The following TSHZ1 variants were observed in gnomAD, a reference collection of about 807,000 sequenced individuals.
The protein encoded by TSHZ1 is teashirt zinc finger homeobox 1, also known as teashirt homolog 1.
In TSHZ1, 12 loss-of-function variants were observed where a neutral mutation model predicts 67.1. That is an observed-to-expected ratio of 0.18 (90% CI 0.11 to 0.29). TSHZ1 has a LOEUF of 0.29. Among genes scored for constraint, TSHZ1 ranks in the 10% least tolerant of loss-of-function variants. The pLI is 1.00. For missense variants in TSHZ1, 1,305 were observed against 1,413.9 expected (o/e 0.92, Z 1.23); for synonymous variants, 632 against 622.4 (o/e 1.02, Z -0.23).
chr18:75,263,686 A>G (rs2023456436), intron 1 of TSHZ1, among the ~76,000 whole-genome samples: 2 of 152,220 alleles, frequency 1.3e-5, no homozygotes, highest in Admixed American at 1.3e-4. Flanking sequence ...ATACAGATAC[A>G]ATAATTCAGT....
rs2022674335 is a variant in TSHZ1 at position 75,211,073 on chromosome 18, T to C, written c.-804T>C. On this transcript the variant is annotated 5_prime_UTR_variant, in exon 1 of 2. The change abolishes an upstream ATG in the 5' untranslated region. Coordinates refer to ENST00000580243, the MANE Select transcript of TSHZ1 (RefSeq NM_001308210.2). ...AAGATCAAGACCGGCCAAAAATCCA[T>C]GATCAAAATGTGTTTGCATTAGATT... 6.6e-6 allele frequency: 1 copy of C among 151,646 alleles called. No individual in the cohort carries two copies. Among genetic ancestry groups the C allele is most frequent in the African/African-American group, 2.4e-5 (1 of 41,218 alleles). The allele number at this position is 151,646 out of a possible 1,614,324, so 9.4% of individuals were successfully genotyped here. A position where few individuals can be genotyped will look rare whatever the true frequency, so the allele number is the denominator to read the frequency against.
At chr18:75,235,472 A>G (rs1440481281) in intron 1 of TSHZ1, among the ~76,000 whole-genome samples, 1 of 152,070 alleles carries the variant, frequency 6.6e-6, no homozygotes, top group African/African-American at 2.4e-5. Context: ...ACCGATTCCT[A>G]CCTTGTGGAG....
intron 1 of TSHZ1, among the ~76,000 whole-genome samples, chr18:75,268,174 T>C (rs921045100): frequency 6.6e-6 from 1 of 152,238 alleles, no homozygotes; most frequent in Non-Finnish European, 1.5e-5. Context: ...CTTTAAGACA[T>C]CTATCACCTC....
chr18:75,250,732 G>C (rs927666566), intron 1 of TSHZ1, among the ~76,000 whole-genome samples: 3 of 152,244 alleles, frequency 2.0e-5, no homozygotes, highest in Non-Finnish European at 4.4e-5. Context: ...TTTACCGTCC[G>C]GATGGGTCTG....
At chr18:75,267,709 A>G (rs115641776) in intron 1 of TSHZ1, among the ~76,000 whole-genome samples, 1,617 of 152,352 alleles carry the variant, frequency 0.011, 23 homozygotes, top group African/African-American at 0.035. Context: ...TTTCGTATGC[A>G]TATTCAGTTC....
chr18:75,286,754 T>G lies in TSHZ1; in HGVS notation c.1347T>G (p.Ser449=), dbSNP rs550963209. 1.4e-5 allele frequency: 23 copies of G among 1,613,548 alleles called. No individual in the cohort carries two copies. The Middle Eastern group carries it at 6.6e-4, about 46-fold the overall frequency. ...TCCTGAAAGTGACCACCTCGGCTTCTAAGAAGGGCAAGCAGTTGGTGCTGG... is the reference window on the plus strand; with the variant it reads ...TCCTGAAAGTGACCACCTCGGCTTCGAAGAAGGGCAAGCAGTTGGTGCTGG... ...GHFLKVTTSA[S]KKGKQLVLDP... is the part of the protein sequence containing the mutation. The change falls in exon 2 of 2, where the codon TCT becomes TCG. Residue 449 remains serine (S), a synonymous_variant. Coordinates refer to ENST00000580243, the MANE Select transcript of TSHZ1 (RefSeq NM_001308210.2). This position sits in a 1 kb window ranked among gnomAD's most constrained non-coding sequence, Gnocchi z 5.1.
chr18:75,265,159 A>G (rs2023475601), intron 1 of TSHZ1, among the ~76,000 whole-genome samples: 2 of 152,208 alleles, frequency 1.3e-5, no homozygotes, highest in Admixed American at 6.5e-5. Context: ...TTATCTCGAC[A>G]TCTGTGAGTT....
chr18:75,253,812 A>G (rs2023332843), intron 1 of TSHZ1, among the ~76,000 whole-genome samples: 1 of 152,270 alleles, frequency 6.6e-6, no homozygotes, highest in Admixed American at 6.5e-5. Context: ...ATTTTCTCAC[A>G]GTCTTCAGTT....
intron 1 of TSHZ1, among the ~76,000 whole-genome samples, chr18:75,222,007 T>C (rs1172378628): frequency 1.3e-5 from 2 of 152,158 alleles, no homozygotes; most frequent in African/African-American, 4.8e-5. Flanking sequence ...GAAATAAATA[T>C]TCTAAGTCAG....
chr18:75,270,160 C>T (rs575477179), intron 1 of TSHZ1, among the ~76,000 whole-genome samples: 33 of 152,168 alleles, frequency 2.2e-4, no homozygotes, highest in African/African-American at 7.5e-4. Flanking sequence ...TGTCCACCCC[C>T]GGCTGTGGGG....
intron 1 of TSHZ1, among the ~76,000 whole-genome samples, chr18:75,247,251 C>A: frequency 6.6e-6 from 1 of 152,168 alleles, no homozygotes; most frequent in Non-Finnish European, 1.5e-5. Context: ...TGGCCAGGAG[C>A]AGGCCATGCG....
chr18:75,256,044 C>CA (rs1009648369), intron 1 of TSHZ1, among the ~76,000 whole-genome samples: 1 of 152,158 alleles, frequency 6.6e-6, no homozygotes, highest in African/African-American at 2.4e-5. Context: ...TAAAGACACT[C>CA]AAATGACTTT....
chr18:75,221,078 A>G (rs1367684674), intron 1 of TSHZ1: 1 of 152,142 alleles, frequency 6.6e-6, no homozygotes, highest in African/African-American at 2.4e-5. Context: ...AGCCATCTAC[A>G]TACTGAATCG....
intron 1 of TSHZ1, among the ~76,000 whole-genome samples, chr18:75,225,614 C>G (rs1258864376): frequency 1.3e-5 from 2 of 152,150 alleles, no homozygotes; most frequent in Non-Finnish European, 2.9e-5. Flanking sequence ...GTAGGGCCGA[C>G]AATGAGACAG....
chr18:75,282,274 A>G (rs1360654749), intron 1 of TSHZ1, among the ~76,000 whole-genome samples: 1 of 152,132 alleles, frequency 6.6e-6, no homozygotes, highest in Non-Finnish European at 1.5e-5. Context: ...GGAAGAGGCC[A>G]TCACCATGTG....
In TSHZ1 at chr18:75,288,902, G is replaced by A; in HGVS notation, c.*261G>A. The A allele has an allele frequency of 2.6e-6, 1 of 378,502 alleles. No individual in the cohort carries two copies. Among genetic ancestry groups the A allele is most frequent in the Non-Finnish European group, 4.8e-6 (1 of 208,706 alleles). The allele number at this position is 378,502 out of a possible 1,614,324, so 23.4% of individuals were successfully genotyped here. ...TAAGCTATCTTTTGTAGGAAATAGT[G>A]GGGCACACTACTCAGAGACATTATT... On this transcript the variant is annotated 3_prime_UTR_variant, in exon 2 of 2. Coordinates refer to ENST00000580243, the MANE Select transcript of TSHZ1 (RefSeq NM_001308210.2). This position sits in a 1 kb window ranked among gnomAD's most constrained non-coding sequence, Gnocchi z 4.9.
chr18:75,280,744 C>T (rs552001381), intron 1 of TSHZ1: 1 of 985,402 alleles, frequency 1.0e-6, no homozygotes, highest in Non-Finnish European at 1.2e-6. Context: ...AATACTCAAC[C>T]CAGAGGCGCA....
intron 1 of TSHZ1, among the ~76,000 whole-genome samples, chr18:75,273,138 G>T (rs2023577779): frequency 6.6e-6 from 1 of 152,228 alleles, no homozygotes; most frequent in Non-Finnish European, 1.5e-5. Flanking sequence ...GTTCAGGGAA[G>T]CCTTTCTTCT....
rs146713302 is a variant in TSHZ1, at chr18:75,253,989, C to T, written c.41-31459C>T. ...ACAGGCCTAATTCCTGTTGCGTAAT[C>T]TCCAGATCCTTTAGCCCCTGGCCTG... On this transcript the variant is annotated intron_variant, in intron 1 of 1. Coordinates refer to ENST00000580243, the MANE Select transcript of TSHZ1 (RefSeq NM_001308210.2). 4.5e-4 allele frequency among the ~76,000 whole-genome samples: 69 copies of T among 152,350 alleles called. 1 individual carries two copies. The highest frequency in any genetic ancestry group is 1.6e-3 in the African/African-American group (67 of 41,580).
Sources: allele counts gnomAD v4.1 joint callset (sites outside exome capture counted in the v4.1 genomes callset), GRCh38; gene constraint gnomAD v4.1.1; non-coding constraint Gnocchi (gnomAD v3.1); transcripts MANE v1.5; gene names NCBI Gene and HGNC (gene_info 2026-07-23, HGNC 2026-07-21).